EIPR1: variants seen among roughly 807,000 people sequenced by gnomAD.
EIPR1 encodes the protein EARP and GARP complex-interacting protein 1.
Under a neutral mutation model 48.1 loss-of-function variants are expected in EIPR1, and 25 were observed. The observed-to-expected ratio is 0.52, with a 90% CI of 0.38 to 0.73. The LOEUF is 0.73. EIPR1 is among the 30% of genes least tolerant of loss of function. The pLI, the probability that EIPR1 is intolerant of heterozygous loss-of-function variation, is 0.00. For synonymous variants in EIPR1, 204 were observed against 201.9 expected, an observed-to-expected ratio of 1.01 and a Z score of -0.09; for missense variants, 415 against 506.2, an observed-to-expected ratio of 0.82 and a Z score of 1.73.
chr2:3,251,210 C>T (rs375527853), intron 4 of EIPR1, among the ~76,000 whole-genome samples: 7 of 152,288 alleles, frequency 4.6e-5, no homozygotes, highest in South Asian at 2.1e-4. Context: ...TCCTTTTCAG[C>T]GAGAAGACTG....
intron 5 of EIPR1, among the ~76,000 whole-genome samples, chr2:3,206,177 C>T (rs745773795): frequency 5.9e-5 from 9 of 152,140 alleles, no homozygotes; most frequent in South Asian, 2.1e-4. Context: ...GCTCTCCTGG[C>T]GGGACACCCA....
At chr2:3,290,768 C>T (rs1668340404) in intron 3 of EIPR1, among the ~76,000 whole-genome samples, 1 of 152,210 alleles carries the variant, frequency 6.6e-6, no homozygotes. Context: ...CAGGAGAGGC[C>T]CCATGAAATG....
intron 4 of EIPR1, among the ~76,000 whole-genome samples, chr2:3,247,052 A>C (rs184250114): frequency 0.018 from 36 of 2,024 alleles, 1 homozygote; most frequent in South Asian, 0.036. Flanking sequence ...AGGGAGGGAG[A>C]GAGGGAGGGA....
At chr2:3,329,123 A>G (rs1268863385) in intron 3 of EIPR1, among the ~76,000 whole-genome samples, 3 of 125,292 alleles carry the variant, frequency 2.4e-5, no homozygotes, top group Admixed American at 8.2e-5. Context: ...TAATGATCTC[A>G]GGGCACCAGC....
chr2:3,290,801 T>C (rs1668341537), intron 3 of EIPR1, among the ~76,000 whole-genome samples: 1 of 152,358 alleles, frequency 6.6e-6, no homozygotes, highest in Non-Finnish European at 1.5e-5. Context: ...TCTGGGTCTT[T>C]CGCGAATCAA....
At chr2:3,314,549 G>A (rs1224057465) in intron 3 of EIPR1, among the ~76,000 whole-genome samples, 1 of 151,886 alleles carries the variant, frequency 6.6e-6, no homozygotes, top group African/African-American at 2.4e-5. Context: ...AAGACCACAG[G>A]GTGACAAGCA....
chr2:3,215,178 T>C (rs903717151), intron 4 of EIPR1, among the ~76,000 whole-genome samples: 1 of 152,204 alleles, frequency 6.6e-6, no homozygotes, highest in African/African-American at 2.4e-5. Flanking sequence ...GAATGGACAC[T>C]GACCAGCAGT....
At chr2:3,218,548 A>G (rs1449771979) in intron 4 of EIPR1, among the ~76,000 whole-genome samples, 4 of 113,712 alleles carry the variant, frequency 3.5e-5, no homozygotes, top group Non-Finnish European at 5.3e-5. Flanking sequence ...ACTCAACACG[A>G]CCCTGGTATA....
intron 4 of EIPR1, among the ~76,000 whole-genome samples, chr2:3,225,765 C>G (rs902751422): frequency 6.6e-6 from 1 of 152,142 alleles, no homozygotes; most frequent in East Asian, 1.9e-4. Flanking sequence ...ATAAGCTGAA[C>G]GTTCCTAACC....
At chr2:3,341,725 A>T (rs1267755166) in intron 2 of EIPR1, among the ~76,000 whole-genome samples, 3 of 151,228 alleles carry the variant, frequency 2.0e-5, no homozygotes, top group Non-Finnish European at 4.4e-5. Flanking sequence ...CATCATGGGT[A>T]TGGGTGTGTG....
intron 4 of EIPR1, among the ~76,000 whole-genome samples, chr2:3,222,143 A>G (rs1349292340): frequency 6.6e-6 from 1 of 152,234 alleles, no homozygotes; most frequent in African/African-American, 2.4e-5. Context: ...CATGTGCTCT[A>G]AAAGACACTC....
intron 1 of EIPR1, among the ~76,000 whole-genome samples, chr2:3,377,159 T>C (rs1019893306): frequency 6.6e-6 from 1 of 152,246 alleles, no homozygotes; most frequent in Non-Finnish European, 1.5e-5. Flanking sequence ...CAATGTTAAT[T>C]TCTAAGCTGT....
intron 4 of EIPR1, among the ~76,000 whole-genome samples, chr2:3,233,105 G>A (rs988620393): frequency 1.9e-4 from 29 of 152,144 alleles, no homozygotes; most frequent in Non-Finnish European, 3.5e-4. Context: ...TGATTGATAT[G>A]CAGCTTTCCA....
chr2:3,351,173 G>A (rs1178267086), intron 2 of EIPR1, among the ~76,000 whole-genome samples: 1 of 151,990 alleles, frequency 6.6e-6, no homozygotes, highest in Non-Finnish European at 1.5e-5. Context: ...GCTAATTTTT[G>A]TATTTTTAGT....
intron 5 of EIPR1, among the ~76,000 whole-genome samples, chr2:3,210,149 C>T (rs1285534018): frequency 6.6e-6 from 1 of 151,612 alleles, no homozygotes; most frequent in Non-Finnish European, 1.5e-5. Flanking sequence ...CTCAATTTTG[C>T]CGTGAACTTA....
At chr2:3,220,183 T>C (rs1171332642) in intron 4 of EIPR1, among the ~76,000 whole-genome samples, 15 of 152,176 alleles carry the variant, frequency 9.9e-5, no homozygotes, top group Non-Finnish European at 1.2e-4. Flanking sequence ...CTGAAAATAT[T>C]GGGGACCACT....
intron 3 of EIPR1, among the ~76,000 whole-genome samples, chr2:3,309,867 G>A (rs1403285358): frequency 6.6e-6 from 1 of 152,216 alleles, no homozygotes; most frequent in Non-Finnish European, 1.5e-5. Context: ...CAGAGCTGGG[G>A]GTTAGGAAAG....
At chr2:3,366,793 G>A (rs571151543) in intron 1 of EIPR1, among the ~76,000 whole-genome samples, 3 of 152,242 alleles carry the variant, frequency 2.0e-5, no homozygotes, top group Non-Finnish European at 2.9e-5. Context: ...GGTGGCTCAC[G>A]CCTGTAATCC....
At chr2:3,367,102 G>T (rs1670992752) in intron 1 of EIPR1, among the ~76,000 whole-genome samples, 1 of 111,966 alleles carries the variant, frequency 8.9e-6, no homozygotes, top group South Asian at 2.6e-4. Context: ...TTCAACTGAT[G>T]AAATTAAAAA....
Sources: gnomAD v4.1 joint callset for allele counts (sites outside exome capture counted in the v4.1 genomes callset) on GRCh38, gnomAD v4.1.1 for gene constraint, MANE v1.5 for transcripts, NCBI Gene and HGNC (gene_info 2026-07-23, HGNC 2026-07-21) for gene names.